Variants in LRRC7 observed in about 807,000 individuals in gnomAD.
LRRC7 encodes the protein leucine rich repeat containing 7, also known as leucine-rich repeat-containing protein 7.
Under a neutral mutation model 175.7 loss-of-function variants are expected in LRRC7, and 23 were observed. That is an observed-to-expected ratio of 0.13 (90% CI 0.09 to 0.19). The LOEUF is 0.19. Ranked by LOEUF, LRRC7 falls within the 10% of genes least tolerant of loss-of-function variation. The pLI, the probability that LRRC7 is intolerant of heterozygous loss-of-function variation, is 1.00. For missense variants in LRRC7, 1,354 were observed against 1,904.7 expected, an observed-to-expected ratio of 0.71 and a Z score of 5.38; for synonymous variants, 685 against 680.9, an observed-to-expected ratio of 1.01 and a Z score of -0.09.
chr1:69,782,391 A>T (rs1673866601), intron 3 of LRRC7, among the ~76,000 whole-genome samples: 1 of 152,222 alleles, frequency 6.6e-6, no homozygotes, highest in South Asian at 2.1e-4. Flanking sequence ...AACACTACAA[A>T]AGTATGCAGG....
rs905735929 is a variant in LRRC7 at position 70,135,303 on chromosome 1, G to C, written c.*13416G>C. On this transcript the variant is annotated 3_prime_UTR_variant, in exon 27 of 27. Transcript: ENST00000651989. ...CTATGATCATCTCCTCAAAGCACGG[G>C]GGCTTGTGGCTTATTCTTTTCACTT... 6.6e-6 allele frequency among the ~76,000 whole-genome samples: 1 copy of C among 152,126 alleles called. No homozygotes were observed. The highest frequency in any genetic ancestry group is 2.1e-4 in the South Asian group (1 of 4,820).
At chr1:69,657,487 C>A (rs1656819455) in intron 1 of LRRC7, among the ~76,000 whole-genome samples, 1 of 151,598 alleles carries the variant, frequency 6.6e-6, no homozygotes, top group South Asian at 2.1e-4. Context: ...TATAAGATTC[C>A]CAAGGATCCT....
At chr1:69,965,473 T>A (rs1354594251) in intron 8 of LRRC7, among the ~76,000 whole-genome samples, 3 of 152,192 alleles carry the variant, frequency 2.0e-5, no homozygotes, top group Non-Finnish European at 4.4e-5. Context: ...GTGTTTTAAT[T>A]AATTATAAAT....
chr1:70,107,576 T>C (rs1468641222), intron 25 of LRRC7, among the ~76,000 whole-genome samples, 176 bp from the exon 26 acceptor site: 2 of 152,224 alleles, frequency 1.3e-5, no homozygotes, highest in East Asian at 3.8e-4. Context: ...GTTGCTTCTC[T>C]TAAACTTGAC....
At chr1:69,705,054 G>A (rs1740903) in intron 2 of LRRC7, among the ~76,000 whole-genome samples, 66,520 of 151,840 alleles carry the variant, frequency 0.44, 14,814 homozygotes, top group Admixed American at 0.5. Context: ...TCTGTAAAAT[G>A]TTTTCTTTAT....
rs991301622 is a variant in LRRC7, at chr1:69,976,336, C to T, written c.712-4043C>T. ...AAGCATCCAGCATGGGAGAAAGATG[C>T]AGCCTGGGAGGCTAAGCCAGTCTAC... On this transcript the variant is annotated intron_variant, in intron 8 of 26. Coordinates refer to ENST00000651989, the MANE Select transcript of LRRC7 (RefSeq NM_001370785.2). Among the ~76,000 whole-genome samples the T allele has an allele frequency of 2.6e-5, 4 of 152,220 alleles. No homozygotes were observed. The East Asian group carries it at 7.7e-4, about 29-fold the overall frequency.
intron 2 of LRRC7, among the ~76,000 whole-genome samples, chr1:69,718,996 T>C (rs1313286258): frequency 1.3e-5 from 2 of 151,876 alleles, no homozygotes; most frequent in African/African-American, 2.4e-5. Context: ...GATTCATTTA[T>C]GTTTTTCAGA....
intron 2 of LRRC7, among the ~76,000 whole-genome samples, chr1:69,717,977 A>AAAAGAAAAAG (rs1557642524): frequency 4.1e-5 from 2 of 48,286 alleles, no homozygotes; most frequent in African/African-American, 1.7e-4. Flanking sequence ...AAGAAAGAGA[A>AAAAGAAAAAG]AGAAAGAGGA....
At chr1:70,024,314 T>G (rs1170385139) in intron 17 of LRRC7, among the ~76,000 whole-genome samples, 1 of 150,980 alleles carries the variant, frequency 6.6e-6, no homozygotes. Context: ...TATTATAATA[T>G]ATTAAAAAAC....
At chr1:69,712,885 A>G (rs1321333851) in intron 2 of LRRC7, among the ~76,000 whole-genome samples, 1 of 152,134 alleles carries the variant, frequency 6.6e-6, no homozygotes, top group Non-Finnish European at 1.5e-5. Context: ...CAAGGGAAAA[A>G]AGCAAGTCTA....
chr1:69,693,499 G>C (rs1557609368), intron 2 of LRRC7, among the ~76,000 whole-genome samples: 1 of 152,206 alleles, frequency 6.6e-6, no homozygotes, highest in Non-Finnish European at 1.5e-5. Context: ...TGCCATTCAA[G>C]TCTAAAAGCT....
intron 7 of LRRC7, among the ~76,000 whole-genome samples, chr1:69,898,886 TAAC>T (rs1347201397): frequency 6.6e-6 from 1 of 152,238 alleles, no homozygotes; most frequent in Non-Finnish European, 1.5e-5. Flanking sequence ...TATACTTAGT[TAAC>T]AACATTAGGT....
intron 25 of LRRC7, among the ~76,000 whole-genome samples, chr1:70,104,784 A>C (rs929569091): frequency 6.6e-6 from 1 of 152,180 alleles, no homozygotes; most frequent in Non-Finnish European, 1.5e-5. Context: ...GTATTCTTTC[A>C]GCAGTCAGGT....
chr1:69,573,318 A>C (rs1055657674), intron 1 of LRRC7, among the ~76,000 whole-genome samples: 4 of 152,176 alleles, frequency 2.6e-5, no homozygotes, highest in Non-Finnish European at 5.9e-5. Flanking sequence ...TAAATAACTT[A>C]AATCTGTAGA....
intron 4 of LRRC7, among the ~76,000 whole-genome samples, chr1:69,814,220 A>G (rs1206336581): frequency 1.5e-4 from 23 of 152,084 alleles, no homozygotes; most frequent in Non-Finnish European, 3.4e-4. Flanking sequence ...TAAATCCCAT[A>G]TATATCTATT....
chr1:70,005,602 T>C (rs1336387690), intron 11 of LRRC7, among the ~76,000 whole-genome samples: 4 of 152,232 alleles, frequency 2.6e-5, no homozygotes, highest in African/African-American at 9.6e-5. Context: ...GTAGCATCAT[T>C]CATTCTGAAG....
At position 70,133,585 on chromosome 1, in the gene LRRC7, G is replaced by C. The variant is rs1304035915; in HGVS notation, c.*11698G>C. ...CTCCTTTGAGAAAATTTGAAACAATGCTCTAAATTTACACAATTTAAGAAA... is the reference window on the plus strand; with the variant it reads ...CTCCTTTGAGAAAATTTGAAACAATCCTCTAAATTTACACAATTTAAGAAA... On this transcript the variant is annotated 3_prime_UTR_variant, in exon 27 of 27. Transcript: ENST00000651989. Among the ~76,000 whole-genome samples the C allele has an allele frequency of 3.3e-5, 5 of 151,994 alleles. No individual in the cohort carries two copies. The highest frequency in any genetic ancestry group is 1.2e-4 in the African/African-American group (5 of 41,366).
chr1:69,915,966 G>C (rs1379925198), intron 7 of LRRC7, among the ~76,000 whole-genome samples: 2 of 146,246 alleles, frequency 1.4e-5, no homozygotes, highest in African/African-American at 2.5e-5. Flanking sequence ...CTAGTGAGTG[G>C]TGGAACCAGG....
chr1:69,990,448 AT>A (rs1654333624), intron 10 of LRRC7, among the ~76,000 whole-genome samples: 1 of 151,338 alleles, frequency 6.6e-6, no homozygotes, highest in African/African-American at 2.5e-5. Context: ...AATTAAATTA[AT>A]TAAATTACTC....
Sources: allele counts gnomAD v4.1 joint callset (sites outside exome capture counted in the v4.1 genomes callset), GRCh38; gene constraint gnomAD v4.1.1; transcripts MANE v1.5; gene names NCBI Gene and HGNC (gene_info 2026-07-23, HGNC 2026-07-21).